Variants in RNF216 observed in about 807,000 individuals in gnomAD.
RNF216 encodes the protein E3 ubiquitin-protein ligase RNF216.
A neutral mutation model predicts 110.8 loss-of-function variants in RNF216; 72 were observed. That is an observed-to-expected ratio of 0.65 (90% CI 0.54 to 0.79). The LOEUF (loss-of-function observed/expected upper bound fraction) is 0.79. Among genes scored for constraint, RNF216 ranks in the 30% least tolerant of loss-of-function variants. The probability of loss-of-function intolerance (pLI) is 0.00; values close to 1 mark genes in which losing one functional copy is unlikely to be tolerated. For missense variants in RNF216, 1,342 were observed against 1,141.2 expected (o/e 1.18, Z -2.54); for synonymous variants, 495 against 407.5 (o/e 1.21, Z -2.59).
chr7:5,718,554 T>C (rs1211204398), intron 9 of RNF216, among the ~76,000 whole-genome samples: 1 of 151,524 alleles, frequency 6.6e-6, no homozygotes, highest in Non-Finnish European at 1.5e-5. Context: ...CCCACCCTTT[T>C]TTTTTTTTTT....
intron 13 of RNF216, among the ~76,000 whole-genome samples, chr7:5,656,184 G>T (rs1277123356): frequency 6.6e-6 from 1 of 152,148 alleles, no homozygotes; most frequent in Non-Finnish European, 1.5e-5. Flanking sequence ...CAGGAGAATT[G>T]CTTGAACCCA....
intron 13 of RNF216, among the ~76,000 whole-genome samples, chr7:5,665,282 G>A (rs1204581972): frequency 1.3e-5 from 2 of 152,094 alleles, no homozygotes; most frequent in African/African-American, 4.8e-5. Context: ...ATCTGGGAGT[G>A]GCCAAGTGAG....
chr7:5,742,023 A>G (rs951869398), intron 3 of RNF216, among the ~76,000 whole-genome samples: 4 of 152,134 alleles, frequency 2.6e-5, no homozygotes, highest in Non-Finnish European at 4.4e-5. Context: ...TCATAGATTA[A>G]AGCTTGAGAT....
At chr7:5,629,849 A>AGAGG (rs1786959636) in intron 15 of RNF216, among the ~76,000 whole-genome samples, 1 of 149,970 alleles carries the variant, frequency 6.7e-6, no homozygotes, top group African/African-American at 2.4e-5. Flanking sequence ...AAAAAAAAAA[A>AGAGG]GAGGGAGGGA....
chr7:5,771,463 C>G (rs959505872), intron 1 of RNF216, among the ~76,000 whole-genome samples: 4 of 151,986 alleles, frequency 2.6e-5, no homozygotes, highest in Non-Finnish European at 5.9e-5. Flanking sequence ...GGCAAGCCAC[C>G]AGGAGAAAAT....
In RNF216 at chr7:5,741,015, T is replaced by C; in HGVS notation, c.1002A>G (p.Ala334=). ...NLENIWGQEA[A]EVDQELVELL... is the part of the protein sequence containing the mutation. ...GTTCAACGAGCTCTTGATCTACCTCTGCAGCTTCTTGCCCCCAAATGTTTT... is the reference window on the plus strand; with the variant it reads ...GTTCAACGAGCTCTTGATCTACCTCCGCAGCTTCTTGCCCCCAAATGTTTT... Residue 334 remains alanine (A), a synonymous_variant, in exon 4 of 17, where the codon GCA becomes GCG. Transcript: ENST00000389902. 6.2e-7 allele frequency: 1 copy of C among 1,613,590 alleles called. No individual in the cohort carries two copies. Among genetic ancestry groups the C allele is most frequent in the Non-Finnish European group, 8.5e-7 (1 of 1,179,806 alleles).
chr7:5,652,562 G>A, intron 13 of RNF216, 52 bp from the exon 14 acceptor site: 1 of 1,201,130 alleles, frequency 8.3e-7, no homozygotes, highest in African/African-American at 1.5e-5. Context: ...GGACACCACA[G>A]AAGTTCCTGT....
intron 13 of RNF216, among the ~76,000 whole-genome samples, chr7:5,691,260 C>A (rs970743855): frequency 2.6e-5 from 4 of 152,178 alleles, no homozygotes; most frequent in African/African-American, 9.7e-5. Flanking sequence ...CCACTCGGGC[C>A]GACGGCAGCA....
chr7:5,671,613 A>G (rs370038009), intron 13 of RNF216, among the ~76,000 whole-genome samples: 3 of 151,658 alleles, frequency 2.0e-5, no homozygotes, highest in Non-Finnish European at 1.5e-5. Flanking sequence ...GACCAGCCTG[A>G]CCAACATGGT....
intron 13 of RNF216, among the ~76,000 whole-genome samples, chr7:5,683,083 A>G (rs1312914450): frequency 6.6e-6 from 1 of 152,126 alleles, no homozygotes; most frequent in Non-Finnish European, 1.5e-5. Context: ...ACAAAACCGC[A>G]GGGCACAACA....
chr7:5,625,864 C>A (rs961988935), intron 15 of RNF216, among the ~76,000 whole-genome samples: 1 of 151,426 alleles, frequency 6.6e-6, no homozygotes, highest in African/African-American at 2.5e-5. Context: ...CTATTAAATT[C>A]TCCTACATTC....
chr7:5,661,852 C>T (rs529559259), intron 13 of RNF216, among the ~76,000 whole-genome samples: 27 of 152,254 alleles, frequency 1.8e-4, no homozygotes, highest in East Asian at 7.7e-4. Flanking sequence ...CTCAGAGGGT[C>T]CAATTAATTT....
At position 5,624,200 on chromosome 7, in the gene RNF216, C is replaced by A; in HGVS notation, c.2383-75G>T. On this transcript the variant is annotated intron_variant, in intron 15 of 16. Coordinates refer to ENST00000389902, the MANE Select transcript of RNF216 (RefSeq NM_207111.4). This position sits in a 1 kb window ranked among gnomAD's most constrained non-coding sequence, Gnocchi z 4.4. The stretch of plus-strand genomic sequence containing the variant: ...GAGGCCCCGTGGGACAGTGAGGAGG[C>A]CGCTTGTTGCTTATGGCCATGGAAC... 40 of 1,273,024 alleles carry A rather than the reference C, an allele frequency of 3.1e-5. No individual in the cohort carries two copies. In the South Asian group the frequency reaches 5.0e-4, roughly 16 times the overall value. 78.9% of individuals were successfully genotyped at this position (1,273,024 alleles called of 1,614,324 possible). A position where few individuals can be genotyped will look rare whatever the true frequency, so the allele number is the denominator to read the frequency against.
In RNF216 at chr7:5,725,361, C is replaced by A; in HGVS notation, c.1467G>T (p.Met489Ile). 6.2e-7 allele frequency: 1 copy of A among 1,613,096 alleles called. No individual in the cohort carries two copies. The highest frequency in any genetic ancestry group is 8.5e-7 in the Non-Finnish European group (1 of 1,179,058). The stretch of plus-strand genomic sequence containing the variant: ...TGAAATCAATGTAAGAATACTGGTT[C>A]ATTTGTTTTCTCTTCTTCCTTTTTC... Reference protein sequence around the residue: ...TSGKRKKRKQMNQYSYIDFKF... With the variant: ...TSGKRKKRKQINQYSYIDFKF... The change falls in exon 8 of 17, where the codon ATG becomes ATT. Residue 489 changes from methionine (M) to isoleucine (I), a missense_variant. Physicochemically the swap from Met to Ile is conservative, Grantham distance 10. Transcript: ENST00000389902.
rs754766200 is a variant in RNF216, at chr7:5,715,207, A to G, written c.1696-17T>C. The G allele has an allele frequency of 6.2e-7, 1 of 1,610,564 alleles. No homozygotes were observed. Among genetic ancestry groups the G allele is most frequent in the South Asian group, 1.1e-5 (1 of 90,910 alleles). On this transcript the variant is annotated splice_polypyrimidine_tract_variant and intron_variant, in intron 10 of 16. Coordinates refer to ENST00000389902, the MANE Select transcript of RNF216 (RefSeq NM_207111.4). The stretch of plus-strand genomic sequence containing the variant: ...CTGGCCATCCTGCAGGCAGTCAAGA[A>G]ACACACATGAAATGTCCTGCACTTA...
intron 13 of RNF216, among the ~76,000 whole-genome samples, chr7:5,674,249 C>A (rs2128598706): frequency 6.6e-6 from 1 of 152,170 alleles, no homozygotes. Flanking sequence ...AGGCTGGTCT[C>A]ACACTCCTGA....
chr7:5,688,047 C>A (rs6463503), intron 13 of RNF216, among the ~76,000 whole-genome samples: 4 of 152,100 alleles, frequency 2.6e-5, no homozygotes, highest in African/African-American at 9.7e-5. Context: ...AAGGAACTAG[C>A]GACCGCAAAT....
chr7:5,712,511 T>G (rs1461262042), intron 12 of RNF216, among the ~76,000 whole-genome samples: 2 of 151,738 alleles, frequency 1.3e-5, no homozygotes, highest in Non-Finnish European at 2.9e-5. Flanking sequence ...GATTTTTCCA[T>G]TAATAGAATT....
chr7:5,748,447 A>T (rs1385682255), intron 3 of RNF216, among the ~76,000 whole-genome samples: 1 of 152,134 alleles, frequency 6.6e-6, no homozygotes, highest in Non-Finnish European at 1.5e-5. Flanking sequence ...TTTAGTAGAG[A>T]CGGGGTTTCA....
Sources: allele counts gnomAD v4.1 joint callset (sites outside exome capture counted in the v4.1 genomes callset), GRCh38; gene constraint gnomAD v4.1.1; non-coding constraint Gnocchi (gnomAD v3.1); transcripts MANE v1.5; gene names NCBI Gene and HGNC (gene_info 2026-07-23, HGNC 2026-07-21).